VILL: variants seen among roughly 807,000 people sequenced by gnomAD.
VILL encodes the protein villin like.
Under a neutral mutation model 106.3 loss-of-function variants are expected in VILL, and 102 were observed. That is an observed-to-expected ratio of 0.96 (90% CI 0.82 to 1.13). VILL has a LOEUF of 1.13. Ranked by LOEUF, VILL falls within the 50% of genes most tolerant of loss-of-function variation. VILL has a pLI of 0.00. For synonymous variants in VILL, 431 were observed against 440.3 expected (o/e 0.98, Z 0.27); for missense variants, 1,076 against 1,116.6 (o/e 0.96, Z 0.52).
intron 1 of VILL, chr3:37,991,315 T>G (rs1699606638): frequency 8.2e-6 from 1 of 122,690 alleles, no homozygotes; most frequent in African/African-American, 3.2e-5. Context: ...AGAGGGGGTG[T>G]GTGAAGCGGG....
rs1443029510 is a variant in VILL at position 38,007,099 on chromosome 3, A to G, written c.*44A>G. 6.7e-7 allele frequency: 1 copy of G among 1,482,092 alleles called. No individual in the cohort carries two copies. Among genetic ancestry groups the G allele is most frequent in the Non-Finnish European group, 9.4e-7 (1 of 1,062,778 alleles). 91.8% of individuals were successfully genotyped at this position (1,482,092 alleles called of 1,614,324 possible). Reference sequence around the variant, plus strand: ...GCCCCTATCCCCTGGACCCCAACATACCTACAATGCTGGGGAGGCCCTGCT... The same window carrying G: ...GCCCCTATCCCCTGGACCCCAACATGCCTACAATGCTGGGGAGGCCCTGCT... On this transcript the variant is annotated 3_prime_UTR_variant, in exon 20 of 20. Transcript: ENST00000383759.
At chr3:38,004,231 A>G in intron 15 of VILL, 24 bp from the exon 16 acceptor site, 1 of 1,596,360 alleles carries the variant, frequency 6.3e-7, no homozygotes, top group East Asian at 2.3e-5. Flanking sequence ...GGTGGCTCAC[A>G]GCCTTGCTGT....
At position 38,007,057 on chromosome 3, in the gene VILL, C is replaced by T. The variant is rs1171737934; in HGVS notation, c.*2C>T. The T allele has an allele frequency of 1.2e-6, 2 of 1,613,274 alleles. No individual in the cohort carries two copies. Among genetic ancestry groups the T allele is most frequent in the African/African-American group, 1.3e-5 (1 of 74,900 alleles). The stretch of plus-strand genomic sequence containing the variant: ...AAAAAGCAGCTGGGCTTCTTCTGAA[C>T]CCAAGCCCTCTCGACTGCCCCTATC... On this transcript the variant is annotated 3_prime_UTR_variant, in exon 20 of 20. Transcript: ENST00000383759.
At chr3:37,989,576 G>A (rs1163023462), upstream of VILL, among the ~76,000 whole-genome samples, 1 of 152,164 alleles carries the variant, frequency 6.6e-6, no homozygotes, top group African/African-American at 2.4e-5. Flanking sequence ...GGGAATTCAA[G>A]AACAAACAGA....
At position 38,004,275 on chromosome 3, in the gene VILL, G is replaced by A. The variant is rs1699873541; in HGVS notation, c.1826G>A (p.Ser609Asn). Residue 609 changes from serine to asparagine, a missense_variant, in exon 16 of 20, where the codon AGC (serine) becomes AAC (asparagine). By Grantham distance (46) the Ser-to-Asn change is conservative (BLOSUM62 1). Transcript: ENST00000383759. ...SNKRLPEEVP[S>N]FQPRLFECSS... ...GCCAGGCTCCCTGAGGAGGTCCCCA[G>A]CTTCCAGCCACGACTGTTTGAGTGC... is the stretch of plus-strand genomic sequence containing the variant. 6.2e-7 allele frequency: 1 copy of A among 1,612,788 alleles called. No individual in the cohort carries two copies. The highest frequency in any genetic ancestry group is 1.3e-5 in the African/African-American group (1 of 75,058).
chr3:38,006,870 C>G (rs1345466504), intron 19 of VILL, 72 bp from the exon 20 acceptor site: 8 of 1,523,246 alleles, frequency 5.3e-6, no homozygotes, highest in African/African-American at 1.4e-5. Flanking sequence ...ATGACTGACA[C>G]TACTGAGTGG....
At position 38,006,929 on chromosome 3, in the gene VILL, C is replaced by T; in HGVS notation, c.2458-13C>T. On this transcript the variant is annotated splice_polypyrimidine_tract_variant and intron_variant, in intron 19 of 19. Coordinates refer to ENST00000383759, the MANE Select transcript of VILL (RefSeq NM_015873.4). ...CACCCTACCCTGTACCTCCCCCTCTCTCCCCTGCCCAGTTCTATCTCTCAG... is the reference window on the plus strand; with the variant it reads ...CACCCTACCCTGTACCTCCCCCTCTTTCCCCTGCCCAGTTCTATCTCTCAG... The T allele has an allele frequency of 6.2e-7, 1 of 1,609,180 alleles. No individual in the cohort carries two copies. Among genetic ancestry groups the T allele is most frequent in the Non-Finnish European group, 8.5e-7 (1 of 1,175,832 alleles).
At chr3:37,999,723 CAT>C (rs1346578731) in intron 11 of VILL, among the ~76,000 whole-genome samples, 2 of 152,204 alleles carry the variant, frequency 1.3e-5, no homozygotes, top group Non-Finnish European at 2.9e-5. Context: ...CAAAATCAAA[CAT>C]ATGCTTATAC....
chr3:37,997,665 G>C lies in VILL; in HGVS notation c.744G>C (p.Lys248Asn). The change falls in exon 7 of 20, where the codon AAG becomes AAC. Residue 248 changes from lysine to asparagine, a missense_variant. By Grantham distance (94) the Lys-to-Asn change is moderately conservative. Transcript: ENST00000383759. The surrounding 1 kb of genome is among the most constrained non-coding windows in gnomAD (Gnocchi z 4.7). ...GCAAGGATATCAACCAGCTGCAGAAGGCCAATGTTCGCCTGTACCAGTGAG... is the reference window on the plus strand; with the variant it reads ...GCAAGGATATCAACCAGCTGCAGAACGCCAATGTTCGCCTGTACCAGTGAG... ...TPSKDINQLQ[K>N]ANVRLYHVYE... The C allele has an allele frequency of 6.2e-7, 1 of 1,604,258 alleles. No individual in the cohort carries two copies. Among genetic ancestry groups the C allele is most frequent in the South Asian group, 1.1e-5 (1 of 90,878 alleles).
At chr3:38,000,519 C>G (rs371172307) in intron 11 of VILL, among the ~76,000 whole-genome samples, 41 of 152,002 alleles carry the variant, frequency 2.7e-4, no homozygotes, top group African/African-American at 9.4e-4. Flanking sequence ...GACAGAGAGC[C>G]AGACAGTGGG....
intron 11 of VILL, 79 bp from the exon 12 acceptor site, chr3:38,001,377 G>A (rs1266364887): frequency 4.8e-5 from 76 of 1,578,316 alleles, no homozygotes; most frequent in Non-Finnish European, 6.2e-5. Flanking sequence ...GCTGGGGAGA[G>A]CTTTCCGGTT....
At position 38,006,924 on chromosome 3, in the gene VILL, C is replaced by T. The variant is rs1042426482; in HGVS notation, c.2458-18C>T. On this transcript the variant is annotated intron_variant, in intron 19 of 19. Transcript: ENST00000383759. ...GATGACACCCTACCCTGTACCTCCC[C>T]CTCTCTCCCCTGCCCAGTTCTATCT... 2.5e-6 allele frequency: 4 copies of T among 1,605,398 alleles called. No individual in the cohort carries two copies. The highest frequency in any genetic ancestry group is 2.7e-5 in the African/African-American group (2 of 74,752).
Position 37,997,837 on chromosome 3 carries a change from C to T in VILL, c.764+152C>T, listed in dbSNP as rs1699733829. 2 of 947,018 alleles carry T rather than the reference C, an allele frequency of 2.1e-6. No homozygotes were observed. Among genetic ancestry groups the T allele is most frequent in the Admixed American group, 5.2e-5 (2 of 38,526 alleles). The allele number at this position is 947,018 out of a possible 1,614,324, so 58.7% of individuals were successfully genotyped here. A position where few individuals can be genotyped will look rare whatever the true frequency, so the allele number is the denominator to read the frequency against. ...ATGTGGACCGTGGGTCCAGCCTGTA[C>T]TCTTCCATGGCATGTGGCTGCCTTG... On this transcript the variant is annotated intron_variant, in intron 7 of 19. Transcript: ENST00000383759. The surrounding 1 kb of genome is among the most constrained non-coding windows in gnomAD (Gnocchi z 4.7).
intron 4 of VILL, 116 bp from the exon 5 acceptor site, chr3:37,995,623 A>G: frequency 1.3e-6 from 1 of 778,698 alleles, no homozygotes; most frequent in Non-Finnish European, 2.2e-6. Context: ...ACTCCAGTGC[A>G]TGTATGAAGC....
At chr3:37,994,637 A>G (rs1278360752) in intron 4 of VILL, among the ~76,000 whole-genome samples, 171 bp downstream of exon 4, 1 of 152,252 alleles carries the variant, frequency 6.6e-6, no homozygotes, top group Non-Finnish European at 1.5e-5. Flanking sequence ...CATTTAAAGT[A>G]CATATACATG....
intron 14 of VILL, 21 bp from the exon 15 acceptor site, chr3:38,003,141 GGCCTGA>G: frequency 6.2e-7 from 1 of 1,611,668 alleles, no homozygotes; most frequent in Non-Finnish European, 8.5e-7. Flanking sequence ...CCTCATGCAG[GGCCTGA>G]GCCATCTCTT....
intron 5 of VILL, among the ~76,000 whole-genome samples, chr3:37,996,575 A>G (rs1052533490): frequency 6.6e-6 from 1 of 152,350 alleles, no homozygotes; most frequent in African/African-American, 2.4e-5. Flanking sequence ...CCTGTGACAC[A>G]GAGACAATCC....
intron 11 of VILL, chr3:38,000,878 G>C: frequency 2.2e-6 from 1 of 456,720 alleles, no homozygotes; most frequent in Non-Finnish European, 4.4e-6. Context: ...CAATATACAG[G>C]TGGGAAAGGC....
rs141637097 is a variant in VILL at position 37,999,437 on chromosome 3, G to A, written c.1180G>A (p.Glu394Lys). The change falls in exon 11 of 20, where the codon GAG (glutamate) becomes AAG (lysine). Residue 394 changes from glutamate (E) to lysine (K), a missense_variant and splice_region_variant. By Grantham distance (56) the Glu-to-Lys change is moderately conservative (BLOSUM62 1). Coordinates refer to ENST00000383759, the MANE Select transcript of VILL (RefSeq NM_015873.4). ...RMVDDGSGKV[E>K]VWCIQDLHRQ... ...GGTGGACGACGGCTCTGGGAAGGTG[G>A]AGGTGAGGGGTACTGGGTTAGCTGG... 2.0e-6 allele frequency: 3 copies of A among 1,483,038 alleles called. No individual in the cohort carries two copies. Among genetic ancestry groups the A allele is most frequent in the Non-Finnish European group, 2.7e-6 (3 of 1,119,426 alleles). 91.9% of individuals were successfully genotyped at this position (1,483,038 alleles called of 1,614,324 possible). A position where few individuals can be genotyped will look rare whatever the true frequency, so the allele number is the denominator to read the frequency against.
Sources: gnomAD v4.1 joint callset for allele counts (sites outside exome capture counted in the v4.1 genomes callset) on GRCh38, gnomAD v4.1.1 for gene constraint, Gnocchi (gnomAD v3.1) non-coding constraint, MANE v1.5 for transcripts, NCBI Gene and HGNC (gene_info 2026-07-23, HGNC 2026-07-21) for gene names.